THRSP: variants seen among roughly 807,000 people sequenced by gnomAD.
THRSP encodes thyroid hormone-inducible hepatic protein.
In THRSP, 9 loss-of-function variants were observed where a neutral mutation model predicts 11.1. That is an observed-to-expected ratio of 0.81 (90% CI 0.49 to 1.42). The LOEUF is 1.42. THRSP is among the 40% of genes most tolerant of loss of function. THRSP has a pLI of 0.00. For synonymous variants in THRSP, 73 were observed against 78.1 expected, an observed-to-expected ratio of 0.94 and a Z score of 0.34; for missense variants, 177 against 188.2, an observed-to-expected ratio of 0.94 and a Z score of 0.35.
At position 78,064,092 on chromosome 11, in the gene THRSP, G is replaced by T. The variant is rs1343633042; in HGVS notation, c.211G>T (p.Asp71Tyr). Reference protein sequence around the residue: ...TMLKAICVDVDHGLLPREEWQ... With the variant: ...TMLKAICVDVYHGLLPREEWQ... ...GCTCAAGGCCATCTGTGTGGATGTG[G>T]ACCATGGGCTGCTGCCGCGGGAGGA... Residue 71 changes from aspartate (D) to tyrosine (Y), a missense_variant, in exon 1 of 2, where the codon GAC becomes TAC. Asp to Tyr is a radical substitution (Grantham distance 160). Transcript: ENST00000281030. The T allele has an allele frequency of 6.2e-7, 1 of 1,614,202 alleles. No homozygotes were observed.
chr11:78,063,868 C>A lies in THRSP; in HGVS notation c.-14C>A. The A allele has an allele frequency of 6.5e-7, 1 of 1,543,686 alleles. No individual in the cohort carries two copies. The highest frequency in any genetic ancestry group is 1.3e-5 in the South Asian group (1 of 78,386). On this transcript the variant is annotated 5_prime_UTR_variant, in exon 1 of 2. Transcript: ENST00000281030. ...GGGCAGTCTGCTGGTCTCATTGTGT[C>A]AGAGGAAGCAACCATGCAGGTGCTA...
In THRSP at chr11:78,063,901, G is replaced by A. The variant is rs150131716; in HGVS notation, c.20G>A (p.Arg7His). 5.1e-3 allele frequency: 8,091 copies of A among 1,581,788 alleles called. 255 individuals carry two copies. The Admixed American group carries it at 0.085, about 17-fold the overall frequency. Residue 7 changes from arginine (R) to histidine (H), a missense_variant, in exon 1 of 2, where the codon CGT becomes CAT. Coordinates refer to ENST00000281030, the MANE Select transcript of THRSP (RefSeq NM_003251.4). MQVLTK[R>H]YPKNCLLTVM... ...GCAACCATGCAGGTGCTAACCAAGC[G>A]TTACCCCAAGAACTGCCTGCTGACC...
intron 1 of THRSP, 28 bp from the exon 2 acceptor site, chr11:78,067,631 G>C (rs1858800897): frequency 6.6e-6 from 1 of 152,166 alleles, no homozygotes; most frequent in South Asian, 2.1e-4. Context: ...TACTGACTTG[G>C]CCTTTTAAAA....
At chr11:78,065,683 G>A (rs1858716751) in intron 1 of THRSP, among the ~76,000 whole-genome samples, 3 of 152,196 alleles carry the variant, frequency 2.0e-5, no homozygotes, top group Admixed American at 2.0e-4. Context: ...CACACAGTAA[G>A]GAGACAAAAG....
intron 1 of THRSP, among the ~76,000 whole-genome samples, chr11:78,066,249 C>G (rs1858735648): frequency 6.6e-6 from 1 of 152,214 alleles, no homozygotes; most frequent in Non-Finnish European, 1.5e-5. Context: ...CTCACTGCCA[C>G]CTCCACCTCC....
In THRSP at chr11:78,064,281, G is replaced by C. The variant is rs1406105099; in HGVS notation, c.400G>C (p.Val134Leu). 4.3e-6 allele frequency: 7 copies of C among 1,613,304 alleles called. No individual in the cohort carries two copies. In the Admixed American group the frequency reaches 1.0e-4, roughly 23 times the overall value. ...LMHLTEKAQE[V>L]TRKYQEMTGQ... The stretch of plus-strand genomic sequence containing the variant: ...GCACCTCACCGAGAAAGCCCAGGAG[G>C]TGACAAGGAAATACCAGGAAATGAC... The change falls in exon 1 of 2, where the codon GTG becomes CTG. Residue 134 changes from valine to leucine, a missense_variant. Val to Leu is a conservative substitution (Grantham distance 32, BLOSUM62 1). Coordinates refer to ENST00000281030, the MANE Select transcript of THRSP (RefSeq NM_003251.4).
chr11:78,065,182 C>T (rs1336533041), intron 1 of THRSP, among the ~76,000 whole-genome samples: 4 of 152,044 alleles, frequency 2.6e-5, no homozygotes, highest in Non-Finnish European at 4.4e-5. Context: ...TCTGACCATC[C>T]CAGGTTGGAA....
chr11:78,065,576 C>T (rs1279833731), intron 1 of THRSP, among the ~76,000 whole-genome samples: 2 of 152,188 alleles, frequency 1.3e-5, no homozygotes, highest in Non-Finnish European at 2.9e-5. Flanking sequence ...ATTGCAATCT[C>T]AAAACCACCT....
At position 78,067,107 on chromosome 11, in the gene THRSP, G is replaced by A. The variant is rs188132253; in HGVS notation, c.*20-552G>A. On this transcript the variant is annotated intron_variant, in intron 1 of 1. Coordinates refer to ENST00000281030, the MANE Select transcript of THRSP (RefSeq NM_003251.4). ...CCCAAAGTGCTGGGATTACAGGCGT[G>A]AGCCACCGCACCCAACCTTTTTTTT... is the stretch of plus-strand genomic sequence containing the variant. 1.7e-3 allele frequency among the ~76,000 whole-genome samples: 248 copies of A among 143,746 alleles called. 1 individual carries two copies. The highest frequency in any genetic ancestry group is 5.8e-3 in the African/African-American group (221 of 38,012). 94.3% of individuals were successfully genotyped at this position (143,746 alleles called of 152,430 possible).
intron 1 of THRSP, among the ~76,000 whole-genome samples, chr11:78,065,447 G>A (rs1591217665): frequency 6.6e-6 from 1 of 152,134 alleles, no homozygotes; most frequent in African/African-American, 2.4e-5. Context: ...GTTCACTCAT[G>A]GATAAAGACT....
chr11:78,065,007 TACCTA>T (rs1481529243), intron 1 of THRSP, among the ~76,000 whole-genome samples: 1 of 151,006 alleles, frequency 6.6e-6, no homozygotes, highest in East Asian at 1.9e-4. Flanking sequence ...AAAAAAAACT[TACCTA>T]AGGCATGCAC....
chr11:78,065,043 T>C (rs1012050101), intron 1 of THRSP, among the ~76,000 whole-genome samples: 3 of 151,658 alleles, frequency 2.0e-5, no homozygotes, highest in Admixed American at 2.0e-4. Flanking sequence ...GTGAACATTG[T>C]GAATTCCATT....
At chr11:78,066,407 C>T (rs1463430819) in intron 1 of THRSP, among the ~76,000 whole-genome samples, 1 of 152,202 alleles carries the variant, frequency 6.6e-6, no homozygotes, top group Non-Finnish European at 1.5e-5. Context: ...CCTCGTGATC[C>T]ACCTGCCTCG....
intron 1 of THRSP, 150 bp downstream of exon 1, chr11:78,064,491 G>T (rs1043166817): frequency 2.9e-5 from 20 of 680,376 alleles, no homozygotes; most frequent in Admixed American, 2.1e-4. Context: ...CAACCTAGGA[G>T]GGCCTAAGAC....
rs142069671 is a variant in THRSP at position 78,063,994 on chromosome 11, G to A, written c.113G>A (p.Arg38Gln). 28 of 1,614,008 alleles carry A rather than the reference G, an allele frequency of 1.7e-5. No homozygotes were observed. Among genetic ancestry groups the A allele is most frequent in the African/African-American group, 1.7e-4 (13 of 74,936 alleles). ...GTGGTGATGATCCCCAGCCTTCTGC[G>A]GGACGTGCAGCTGAGTGGGCCTGGG... ...EQVVMIPSLLRDVQLSGPGGQ... is the reference protein window; with the variant it reads ...EQVVMIPSLLQDVQLSGPGGQ... The change falls in exon 1 of 2, where the codon CGG becomes CAG. Residue 38 changes from arginine (R) to glutamine (Q), a missense_variant. Physicochemically the swap from Arg to Gln is conservative, Grantham distance 43. Transcript: ENST00000281030.
In THRSP at chr11:78,068,016, T is replaced by C. The variant is rs1279653966; in HGVS notation, c.*377T>C. 3 of 152,260 alleles carry C rather than the reference T, an allele frequency of 2.0e-5. No individual in the cohort carries two copies. The highest frequency in any genetic ancestry group is 7.2e-5 in the African/African-American group (3 of 41,468). 9.4% of individuals were successfully genotyped at this position (152,260 alleles called of 1,614,324 possible). A position where few individuals can be genotyped will look rare whatever the true frequency, so the allele number is the denominator to read the frequency against. On this transcript the variant is annotated 3_prime_UTR_variant, in exon 2 of 2. Transcript: ENST00000281030. ...CATGGCAGTCATTCAGTATGTGTAC[T>C]TGTACAAGTTATTTAACCCATTGGA...
In THRSP at chr11:78,064,169, G is replaced by A; in HGVS notation, c.288G>A (p.Glu96=). The change falls in exon 1 of 2, where the codon GAG becomes GAA. Residue 96 remains glutamate (E), a synonymous_variant. Transcript: ENST00000281030. The part of the protein sequence containing the change: ...GSEENGTAET[E]EVEDESASGE... ...AAGAGAATGGAACCGCAGAGACAGAGGAAGTCGAGGACGAGAGTGCCTCAG... is the reference window on the plus strand; with the variant it reads ...AAGAGAATGGAACCGCAGAGACAGAAGAAGTCGAGGACGAGAGTGCCTCAG... 5.0e-6 allele frequency: 8 copies of A among 1,614,180 alleles called. No individual in the cohort carries two copies. The highest frequency in any genetic ancestry group is 6.8e-6 in the Non-Finnish European group (8 of 1,180,034).
intron 1 of THRSP, among the ~76,000 whole-genome samples, chr11:78,066,712 T>C (rs1858752945): frequency 6.6e-6 from 1 of 152,234 alleles, no homozygotes; most frequent in Admixed American, 6.5e-5. Flanking sequence ...GCAGCAACTC[T>C]ACGCCATAAC....
rs1468147919 is a variant in THRSP, at chr11:78,067,015, T to C, written c.*20-644T>C. On this transcript the variant is annotated intron_variant, in intron 1 of 1. Coordinates refer to ENST00000281030, the MANE Select transcript of THRSP (RefSeq NM_003251.4). ...TAATTTTTTGTATTTTTAGTAGAGA[T>C]GGGGTTTCACCATGTTGGCCAAGAT... is the stretch of plus-strand genomic sequence containing the variant. Among the ~76,000 whole-genome samples, 4 of 151,530 alleles carry C rather than the reference T, an allele frequency of 2.6e-5. No individual in the cohort carries two copies. In the East Asian group the frequency reaches 7.8e-4, roughly 29 times the overall value.
Sources: gnomAD v4.1 joint callset for allele counts (sites outside exome capture counted in the v4.1 genomes callset) on GRCh38, gnomAD v4.1.1 for gene constraint, MANE v1.5 for transcripts, NCBI Gene and HGNC (gene_info 2026-07-23, HGNC 2026-07-21) for gene names.